The following RFX4 variants were observed in gnomAD, a reference collection of about 807,000 sequenced individuals.
RFX4 encodes the protein regulatory factor X4, also known as transcription factor RFX4.
Under a neutral mutation model 95.0 loss-of-function variants are expected in RFX4, and 10 were observed. The observed-to-expected ratio is 0.11, with a 90% CI of 0.06 to 0.18. RFX4 has a LOEUF of 0.18. RFX4 is among the 10% of genes least tolerant of loss of function. The pLI, the probability that RFX4 is intolerant of heterozygous loss-of-function variation, is 1.00. For synonymous variants in RFX4, 321 were observed against 340.7 expected (o/e 0.94, Z 0.64); for missense variants, 640 against 922.0 (o/e 0.69, Z 3.96).
rs146048892 is a variant in RFX4, at chr12:106,628,657, T to A, written c.131-10675T>A. Among the ~76,000 whole-genome samples the A allele has an allele frequency of 1.7e-3, 252 of 152,310 alleles. 2 individuals carry two copies. Among genetic ancestry groups the A allele is most frequent in the African/African-American group, 5.8e-3 (240 of 41,580 alleles). On this transcript the variant is annotated intron_variant, in intron 2 of 17. Coordinates refer to ENST00000392842, the MANE Select transcript of RFX4 (RefSeq NM_213594.3). ...GAGAAGTCCTGGTCTCACCTCCAAC[T>A]TCCCCCTGCAACACTCTACCCCAGC...
At chr12:106,705,847 C>A (rs1177019936) in intron 8 of RFX4, among the ~76,000 whole-genome samples, 1 of 152,166 alleles carries the variant, frequency 6.6e-6, no homozygotes, top group Admixed American at 6.5e-5. Context: ...TTCTTATGTG[C>A]CTACTATGTG....
intron 4 of RFX4, among the ~76,000 whole-genome samples, chr12:106,665,911 A>C (rs868147786): frequency 6.6e-6 from 1 of 152,010 alleles, no homozygotes; most frequent in Non-Finnish European, 1.5e-5. Flanking sequence ...GTCATCTGTT[A>C]GATCAATTAA....
chr12:106,606,457 A>G (rs1188327184), intron 1 of RFX4, among the ~76,000 whole-genome samples: 4 of 152,172 alleles, frequency 2.6e-5, no homozygotes, highest in Non-Finnish European at 5.9e-5. Flanking sequence ...AAGGATGAGA[A>G]GAAGTGAGTG....
intron 15 of RFX4, among the ~76,000 whole-genome samples, chr12:106,745,005 T>C (rs1277732518): frequency 6.6e-6 from 1 of 152,198 alleles, no homozygotes; most frequent in Non-Finnish European, 1.5e-5. Context: ...ATCGTCAGTC[T>C]TAGTGCTCCT....
At chr12:106,730,957 G>A (rs1027973827) in intron 13 of RFX4, among the ~76,000 whole-genome samples, 3 of 152,054 alleles carry the variant, frequency 2.0e-5, no homozygotes, top group Non-Finnish European at 4.4e-5. Context: ...TCAAGACAGC[G>A]CCAATGCACT....
Position 106,654,330 on chromosome 12 carries a change from C to T in RFX4, c.294C>T (p.Val98=). Residue 98 remains valine (V), a synonymous_variant, in exon 4 of 18, where the codon GTC becomes GTT. Coordinates refer to ENST00000392842, the MANE Select transcript of RFX4 (RefSeq NM_213594.3). The stretch of plus-strand genomic sequence containing the variant: ...GCGAGAAGAATGATACCCAACCTGT[C>T]AATGCTGCCAGCTTTGGAAAGGTGA... ...DFCEKNDTQP[V]NAASFGKIIR... The T allele has an allele frequency of 1.9e-6, 3 of 1,613,998 alleles. No homozygotes were observed. The highest frequency in any genetic ancestry group is 2.5e-6 in the Non-Finnish European group (3 of 1,179,934).
intron 14 of RFX4, 80 bp from the exon 15 acceptor site, chr12:106,732,844 A>G (rs2042638743): frequency 7.3e-7 from 1 of 1,378,516 alleles, no homozygotes; most frequent in Non-Finnish European, 1.0e-6. Flanking sequence ...AGATTAGAAT[A>G]ATATTTCACT....
intron 4 of RFX4, among the ~76,000 whole-genome samples, chr12:106,675,518 G>A (rs1450442060): frequency 6.6e-6 from 1 of 152,016 alleles, no homozygotes; most frequent in Non-Finnish European, 1.5e-5. Context: ...AACAAGTATG[G>A]GAGGTAATGA....
intron 2 of RFX4, among the ~76,000 whole-genome samples, chr12:106,620,184 G>A (rs1017444622): frequency 6.6e-6 from 1 of 152,052 alleles, no homozygotes; most frequent in Non-Finnish European, 1.5e-5. Context: ...TTTATCCAAT[G>A]CTGGACATTA....
In RFX4 at chr12:106,759,890, C is replaced by T. The variant is rs535488013; in HGVS notation, c.1936-1307C>T. On this transcript the variant is annotated intron_variant, in intron 17 of 17. Transcript: ENST00000392842. ...AATTGGGATCCCTCTTTCTTGACCT[C>T]TGAATTGCTGGTTCTCTTTGCATGC... Among the ~76,000 whole-genome samples, 40 of 152,282 alleles carry T rather than the reference C, an allele frequency of 2.6e-4. 1 individual carries two copies. The South Asian group carries it at 7.7e-3, about 29-fold the overall frequency.
chr12:106,585,430 A>T (rs1226042020), intron 1 of RFX4, among the ~76,000 whole-genome samples: 3 of 152,212 alleles, frequency 2.0e-5, no homozygotes, highest in Non-Finnish European at 4.4e-5. Context: ...CCCTGAACGC[A>T]AAATCAAAAG....
intron 15 of RFX4, among the ~76,000 whole-genome samples, chr12:106,743,328 A>G (rs191176998): frequency 6.6e-6 from 1 of 152,296 alleles, no homozygotes; most frequent in Non-Finnish European, 1.5e-5. Flanking sequence ...TTCCTTAGAA[A>G]AGCAGCAGCA....
intron 7 of RFX4, among the ~76,000 whole-genome samples, chr12:106,695,792 G>T (rs1166330286): frequency 6.6e-6 from 1 of 152,122 alleles, no homozygotes; most frequent in African/African-American, 2.4e-5. Flanking sequence ...TCAGAATTTT[G>T]TGTGTGTGGC....
In RFX4 at chr12:106,631,279, G is replaced by T. The variant is rs548499179; in HGVS notation, c.131-8053G>T. ...AGATGGGAAGGCTCCACTTTTAATT[G>T]TGGTGTCATTTTATTCATTCACTCA... On this transcript the variant is annotated intron_variant, in intron 2 of 17. Coordinates refer to ENST00000392842, the MANE Select transcript of RFX4 (RefSeq NM_213594.3). Among the ~76,000 whole-genome samples the T allele has an allele frequency of 2.0e-5, 3 of 152,284 alleles. No homozygotes were observed. The South Asian group carries it at 6.2e-4, about 32-fold the overall frequency.
chr12:106,596,158 A>G (rs1334248763), intron 1 of RFX4, among the ~76,000 whole-genome samples: 2 of 152,178 alleles, frequency 1.3e-5, no homozygotes, highest in East Asian at 1.9e-4. Flanking sequence ...TGTAGCTCCC[A>G]TAATTCCCAG....
In RFX4 at chr12:106,732,707, GTAAATAAATAAA is replaced by G. The variant is rs372246846; in HGVS notation, c.1472-204_1472-193del. On this transcript the variant is annotated intron_variant, in intron 14 of 17. Coordinates refer to ENST00000392842, the MANE Select transcript of RFX4 (RefSeq NM_213594.3). ...AGAGCAAGACTCCATCTCAAAATAAGTAAATAAATAAATAAATAAATAAACAAATTAAATAAA... is the reference window on the plus strand; with the variant it reads ...AGAGCAAGACTCCATCTCAAAATAAGTAAATAAATAAACAAATTAAATAAA... 2.6e-5 allele frequency among the ~76,000 whole-genome samples: 4 copies of G among 151,710 alleles called. No individual in the cohort carries two copies. In the South Asian group the frequency reaches 8.3e-4, roughly 32 times the overall value.
rs573778531 is a variant in RFX4 at position 106,737,634 on chromosome 12, C to T, written c.1633+4549C>T. 1.3e-4 allele frequency among the ~76,000 whole-genome samples: 19 copies of T among 151,998 alleles called. No individual in the cohort carries two copies. The South Asian group carries it at 2.3e-3, about 18-fold the overall frequency. ...TACACCTACTTAGAGAAGGATTGAG[C>T]GGATGCTTAAGAAACTGGAAGGACT... On this transcript the variant is annotated intron_variant, in intron 15 of 17. Coordinates refer to ENST00000392842, the MANE Select transcript of RFX4 (RefSeq NM_213594.3).
At chr12:106,715,290 G>T in intron 10 of RFX4, 110 bp from the exon 11 acceptor site, 1 of 1,264,968 alleles carries the variant, frequency 7.9e-7, no homozygotes, top group Non-Finnish European at 1.1e-6. Context: ...GGAATTTCAG[G>T]GTAGTTTGCA....
chr12:106,692,430 T>C (rs1466509877), intron 7 of RFX4, among the ~76,000 whole-genome samples: 1 of 152,224 alleles, frequency 6.6e-6, no homozygotes, highest in Non-Finnish European at 1.5e-5. Flanking sequence ...ATGTTAGGCA[T>C]TTTTGTAATT....
Sources: gnomAD v4.1 joint callset for allele counts (sites outside exome capture counted in the v4.1 genomes callset) on GRCh38, gnomAD v4.1.1 for gene constraint, MANE v1.5 for transcripts, NCBI Gene and HGNC (gene_info 2026-07-23, HGNC 2026-07-21) for gene names.